CHODL: variants seen among roughly 807,000 people sequenced by gnomAD.
CHODL encodes the protein chondrolectin.
Under a neutral mutation model 34.5 loss-of-function variants are expected in CHODL, and 29 were observed. The observed-to-expected ratio is 0.84, with a 90% CI of 0.63 to 1.15. The LOEUF (loss-of-function observed/expected upper bound fraction) is 1.15. CHODL is among the 50% of genes most tolerant of loss of function. The pLI is 0.00. For synonymous variants in CHODL, 125 were observed against 116.1 expected (o/e 1.08, Z -0.49); for missense variants, 332 against 332.5 (o/e 1.00, Z 0.01).
At chr21:18,249,376 A>G (rs1055852675) in intron 1 of CHODL, among the ~76,000 whole-genome samples, 1 of 151,604 alleles carries the variant, frequency 6.6e-6, no homozygotes, top group African/African-American at 2.4e-5. Context: ...ATTTGGATCT[A>G]GTTTGTTTTA....
chr21:17,933,372 G>A (rs939768670), intron 1 of CHODL, among the ~76,000 whole-genome samples: 1 of 152,200 alleles, frequency 6.6e-6, no homozygotes, highest in Non-Finnish European at 1.5e-5. Flanking sequence ...GCTTTCCTAG[G>A]CAGAGGTCCC....
At chr21:18,029,055 C>G (rs947641196) in intron 2 of CHODL, among the ~76,000 whole-genome samples, 3 of 152,154 alleles carry the variant, frequency 2.0e-5, no homozygotes, top group African/African-American at 7.2e-5. Context: ...TTCTCACCTT[C>G]TTTAATTTCT....
At chr21:18,064,789 A>T (rs62215367) in intron 2 of CHODL, among the ~76,000 whole-genome samples, 52,498 of 152,030 alleles carry the variant, frequency 0.35, 11,423 homozygotes, top group Non-Finnish European at 0.5. Context: ...ATGTAAATAT[A>T]TGTATGTATG....
intron 2 of CHODL, among the ~76,000 whole-genome samples, chr21:18,046,298 G>C (rs1005506918): frequency 2.0e-5 from 3 of 151,916 alleles, no homozygotes; most frequent in African/African-American, 7.2e-5. Flanking sequence ...CATTTAAGCT[G>C]CAGTGCAAAG....
chr21:17,931,783 C>T (rs1242999789), intron 1 of CHODL, among the ~76,000 whole-genome samples: 3 of 152,118 alleles, frequency 2.0e-5, no homozygotes, highest in East Asian at 3.9e-4. Flanking sequence ...CTCTATCTCT[C>T]ACCATATACA....
chr21:18,240,486 G>A (rs968319056), upstream of CHODL, among the ~76,000 whole-genome samples: 14 of 152,004 alleles, frequency 9.2e-5, no homozygotes, highest in Admixed American at 3.9e-4. Context: ...TAATCTTACC[G>A]TAGTACAATA....
At chr21:18,223,017 A>G (rs1477114713) in intron 2 of CHODL, among the ~76,000 whole-genome samples, 1 of 152,246 alleles carries the variant, frequency 6.6e-6, no homozygotes, top group African/African-American at 2.4e-5. Flanking sequence ...GAAAAAGTAA[A>G]AAGAGCCAAT....
intron 2 of CHODL, among the ~76,000 whole-genome samples, chr21:18,036,157 ATTATCCT>A (rs1293007464): frequency 6.6e-6 from 1 of 152,018 alleles, no homozygotes; most frequent in East Asian, 1.9e-4. Flanking sequence ...TCTAGGGCCA[ATTATCCT>A]TTATTACTAA....
intron 2 of CHODL, among the ~76,000 whole-genome samples, chr21:18,147,827 T>C (rs546727416): frequency 7.2e-5 from 11 of 152,340 alleles, no homozygotes; most frequent in African/African-American, 2.4e-4. Context: ...TTTGCTCAGC[T>C]AGTAAGTTGA....
At chr21:18,082,134 C>G (rs893671478) in intron 2 of CHODL, among the ~76,000 whole-genome samples, 6 of 152,142 alleles carry the variant, frequency 3.9e-5, no homozygotes, top group Non-Finnish European at 1.5e-5. Context: ...TTCTCCTTTG[C>G]TGTTCTTGTA....
intron 2 of CHODL, among the ~76,000 whole-genome samples, chr21:18,232,941 TGATATATATATATATA>T (rs925364763): frequency 1.8e-4 from 18 of 97,620 alleles, no homozygotes; most frequent in African/African-American, 9.1e-4. Flanking sequence ...CATGATGTTA[TGATATATATATATATA>T]TATATATATA....
chr21:18,098,713 C>A (rs1251298079), intron 2 of CHODL, among the ~76,000 whole-genome samples: 1 of 152,084 alleles, frequency 6.6e-6, no homozygotes, highest in Non-Finnish European at 1.5e-5. Flanking sequence ...ATCCAGCAAT[C>A]CCACTGCTGG....
chr21:18,152,096 A>G (rs2072977342), intron 2 of CHODL, among the ~76,000 whole-genome samples: 1 of 152,032 alleles, frequency 6.6e-6, no homozygotes, highest in Non-Finnish European at 1.5e-5. Flanking sequence ...CGAGTTTAGT[A>G]AAAGAGGTTG....
At chr21:18,097,822 A>G (rs146766378) in intron 2 of CHODL, among the ~76,000 whole-genome samples, 3 of 152,276 alleles carry the variant, frequency 2.0e-5, no homozygotes, top group Admixed American at 6.6e-5. Flanking sequence ...AAATTATGCT[A>G]TAGAGCTATA....
intron 1 of CHODL, among the ~76,000 whole-genome samples, chr21:17,934,910 A>G (rs1051945285): frequency 1.3e-5 from 2 of 152,314 alleles, no homozygotes; most frequent in Admixed American, 6.5e-5. Flanking sequence ...ATAGACACCT[A>G]TTTATTGAAC....
chr21:18,255,305 ATTTAAG>A (rs1301172289), intron 1 of CHODL, among the ~76,000 whole-genome samples: 1 of 152,096 alleles, frequency 6.6e-6, no homozygotes, highest in Non-Finnish European at 1.5e-5. Context: ...ATGAATTTGT[ATTTAAG>A]TTTAACAAAA....
intron 2 of CHODL, among the ~76,000 whole-genome samples, chr21:18,108,094 T>G (rs971716665): frequency 3.3e-5 from 5 of 152,156 alleles, no homozygotes; most frequent in Non-Finnish European, 7.4e-5. Context: ...TTGTACACAA[T>G]CTTGTTCTTG....
At chr21:18,067,702 CTTCATATTTG>C (rs2064748148) in intron 2 of CHODL, among the ~76,000 whole-genome samples, 1 of 152,100 alleles carries the variant, frequency 6.6e-6, no homozygotes, top group Admixed American at 6.6e-5. Flanking sequence ...TTCCTTTTTC[CTTCATATTTG>C]AGAAATAAGG....
chr21:18,108,220 G>A (rs1478384248), intron 2 of CHODL, among the ~76,000 whole-genome samples: 2 of 151,514 alleles, frequency 1.3e-5, no homozygotes, highest in Non-Finnish European at 2.9e-5. Flanking sequence ...TATGTCTGCT[G>A]GAAGGTCACG....
Sources: allele counts gnomAD v4.1 joint callset (sites outside exome capture counted in the v4.1 genomes callset), GRCh38; gene constraint gnomAD v4.1.1; transcripts MANE v1.5; gene names NCBI Gene and HGNC (gene_info 2026-07-23, HGNC 2026-07-21).